The following SMCHD1 variants were observed in gnomAD, a reference collection of about 807,000 sequenced individuals.
SMCHD1 encodes structural maintenance of chromosomes flexible hinge domain-containing protein 1.
A neutral mutation model predicts 254.7 loss-of-function variants in SMCHD1; 78 were observed. The observed-to-expected ratio is 0.31, with a 90% CI of 0.26 to 0.37. The LOEUF (loss-of-function observed/expected upper bound fraction) is 0.37. Among genes scored for constraint, SMCHD1 ranks in the 10% least tolerant of loss-of-function variants. SMCHD1 has a pLI of 1.00. For synonymous variants in SMCHD1, 766 were observed against 794.9 expected, an observed-to-expected ratio of 0.96 and a Z score of 0.61; for missense variants, 1,840 against 2,408.1, an observed-to-expected ratio of 0.76 and a Z score of 4.94.
intron 17 of SMCHD1, among the ~76,000 whole-genome samples, chr18:2,708,871 T>TAG (rs2074585319): frequency 4.4e-5 from 1 of 22,936 alleles, no homozygotes; most frequent in Non-Finnish European, 7.9e-5. Flanking sequence ...TAACTTCATA[T>TAG]ATATATATAT....
Position 2,732,361 on chromosome 18 carries a change from G to T in SMCHD1, c.3145G>T (p.Ala1049Ser). The change falls in exon 25 of 48, where the codon GCA (alanine) becomes TCA (serine). Residue 1049 changes from alanine to serine, a missense_variant. Ala to Ser is a moderately conservative substitution (Grantham distance 99, BLOSUM62 1). Coordinates refer to ENST00000320876, the MANE Select transcript of SMCHD1 (RefSeq NM_015295.3). Reference sequence around the variant, plus strand: ...AATATTCAGTGTAGAAGGACAAAAGGCAATTCAGATCAAACATCAGGATGA... The same window carrying T: ...AATATTCAGTGTAGAAGGACAAAAGTCAATTCAGATCAAACATCAGGATGA... The part of the protein sequence containing the change: ...LQIFSVEGQK[A>S]IQIKHQDEVN... 1 of 1,613,784 alleles carries T rather than the reference G, an allele frequency of 6.2e-7. No individual in the cohort carries two copies. Among genetic ancestry groups the T allele is most frequent in the Non-Finnish European group, 8.5e-7 (1 of 1,179,798 alleles).
At chr18:2,668,434 T>G (rs1216684500) in intron 3 of SMCHD1, among the ~76,000 whole-genome samples, 1 of 152,200 alleles carries the variant, frequency 6.6e-6, no homozygotes, top group Non-Finnish European at 1.5e-5. Context: ...CAGAATTAAC[T>G]GGGGCTAAGA....
Position 2,796,681 on chromosome 18 carries a change from C to T in SMCHD1, c.5993+160C>T, listed in dbSNP as rs62077723. The T allele has an allele frequency of 0.21, 116,952 of 567,272 alleles. 12,976 individuals are homozygous for T. Among genetic ancestry groups the T allele is most frequent in the Admixed American group, 0.27 (7,363 of 27,428 alleles). The allele number at this position is 567,272 out of a possible 1,614,324, so 35.1% of individuals were successfully genotyped here. ...GTGCAACCTCTGCCTTCCAGGCCCA[C>T]GGGATTCTTGTGCCTCAGCCTCCCG... On this transcript the variant is annotated intron_variant, in intron 47 of 47. Transcript: ENST00000320876.
chr18:2,803,414 A>G lies in SMCHD1; in HGVS notation c.*862A>G, dbSNP rs1470295982. 2 of 151,882 alleles carry G rather than the reference A, an allele frequency of 1.3e-5. No homozygotes were observed. Among genetic ancestry groups the G allele is most frequent in the Admixed American group, 6.6e-5 (1 of 15,244 alleles). The allele number at this position is 151,882 out of a possible 1,614,324, so 9.4% of individuals were successfully genotyped here. A position where few individuals can be genotyped will look rare whatever the true frequency, so the allele number is the denominator to read the frequency against. On this transcript the variant is annotated 3_prime_UTR_variant, in exon 48 of 48. Coordinates refer to ENST00000320876, the MANE Select transcript of SMCHD1 (RefSeq NM_015295.3). Reference sequence around the variant, plus strand: ...GTACTTTCTGGTAGAAAGTTGCTGCAAAAACATTTGAAATGTATATTAACC... The same window carrying G: ...GTACTTTCTGGTAGAAAGTTGCTGCGAAAACATTTGAAATGTATATTAACC...
chr18:2,655,910 G>C lies in SMCHD1; in HGVS notation c.-166G>C. ...TTGAATCGGTTCCCGGGTGATCCTC[G>C]CGCCTGCCGCTGCTCGGCCGCCGCC... On this transcript the variant is annotated 5_prime_UTR_variant, in exon 1 of 48. Transcript: ENST00000320876. 1 of 423,540 alleles carries C rather than the reference G, an allele frequency of 2.4e-6. No homozygotes were observed. Among genetic ancestry groups the C allele is most frequent in the Non-Finnish European group, 3.9e-6 (1 of 255,630 alleles). The allele number at this position is 423,540 out of a possible 1,614,324, so 26.2% of individuals were successfully genotyped here.
At chr18:2,771,733 G>A (rs1208898113) in intron 40 of SMCHD1, 115 bp downstream of exon 40, 12 of 732,978 alleles carry the variant, frequency 1.6e-5, no homozygotes, top group South Asian at 8.6e-5. Flanking sequence ...GTACAAAGAC[G>A]TGCATTATCG....
At chr18:2,668,036 C>T (rs528563137) in intron 3 of SMCHD1, among the ~76,000 whole-genome samples, 1 of 151,998 alleles carries the variant, frequency 6.6e-6, no homozygotes, top group Non-Finnish European at 1.5e-5. Flanking sequence ...GGCACCACCA[C>T]GCCTGGCTAA....
At chr18:2,706,299 T>A in intron 14 of SMCHD1, 65 bp from the exon 15 acceptor site, 1 of 1,145,900 alleles carries the variant, frequency 8.7e-7, no homozygotes, top group Non-Finnish European at 1.2e-6. Context: ...CAAATGGGTG[T>A]TTGTTTTTAT....
intron 45 of SMCHD1, among the ~76,000 whole-genome samples, chr18:2,789,941 T>G (rs1374153779): frequency 3.3e-5 from 5 of 152,184 alleles, no homozygotes; most frequent in Non-Finnish European, 7.3e-5. Flanking sequence ...CCCAACACTT[T>G]GGGAGGCCGA....
intron 7 of SMCHD1, among the ~76,000 whole-genome samples, chr18:2,689,376 C>T (rs183793163): frequency 2.6e-4 from 39 of 151,776 alleles, no homozygotes; most frequent in African/African-American, 8.9e-4. Flanking sequence ...TGCCACCATG[C>T]CCTGCTAATT....
intron 5 of SMCHD1, among the ~76,000 whole-genome samples, chr18:2,678,270 T>C (rs71358790): frequency 0.51 from 51,475 of 100,664 alleles, 14,491 homozygotes; most frequent in East Asian, 0.68. Context: ...TCTCTCTCTC[T>C]CTCCCTCTCT....
intron 19 of SMCHD1, among the ~76,000 whole-genome samples, chr18:2,722,136 G>A (rs1143800): frequency 0.32 from 48,630 of 152,034 alleles, 9,797 homozygotes; most frequent in Non-Finnish European, 0.45. Context: ...ATTGAATATC[G>A]TGTTTTGCCT....
intron 47 of SMCHD1, among the ~76,000 whole-genome samples, chr18:2,799,708 T>C (rs753690453): frequency 5.9e-5 from 9 of 152,200 alleles, no homozygotes; most frequent in Non-Finnish European, 1.0e-4. Flanking sequence ...TGAAGTGTTA[T>C]TCCAATTGTT....
rs558839740 is a variant in SMCHD1, at chr18:2,705,943, G to A, written c.1956+136G>A. 181 of 530,396 alleles carry A rather than the reference G, an allele frequency of 3.4e-4. 1 individual carries two copies. The South Asian group carries it at 5.5e-3, about 16-fold the overall frequency. 32.9% of individuals were successfully genotyped at this position (530,396 alleles called of 1,614,324 possible). On this transcript the variant is annotated intron_variant, in intron 14 of 47. Transcript: ENST00000320876. Reference sequence around the variant, plus strand: ...TTGTAGTTTTTGTGTGGATTTTTATGTGTCATAAGTTGATGTTTTTAATAA... The same window carrying A: ...TTGTAGTTTTTGTGTGGATTTTTATATGTCATAAGTTGATGTTTTTAATAA...
At chr18:2,756,776 CTAAATAAATAGATAATT>C (rs2075688856) in intron 34 of SMCHD1, among the ~76,000 whole-genome samples, 1 of 151,994 alleles carries the variant, frequency 6.6e-6, no homozygotes, top group African/African-American at 2.4e-5. Flanking sequence ...TCAATTTTAT[CTAAATAAATAGATAATT>C]TAAATAAATA....
At chr18:2,802,359 G>A (rs1361419257) in intron 47 of SMCHD1, among the ~76,000 whole-genome samples, 169 bp from the exon 48 acceptor site, 1 of 152,084 alleles carries the variant, frequency 6.6e-6, no homozygotes, top group East Asian at 1.9e-4. Flanking sequence ...TTGCATACAT[G>A]TGAAGGAAAT....
intron 34 of SMCHD1, among the ~76,000 whole-genome samples, chr18:2,756,232 T>C (rs2075675710): frequency 6.6e-6 from 1 of 152,214 alleles, no homozygotes; most frequent in African/African-American, 2.4e-5. Flanking sequence ...TTTTATCATG[T>C]TGTATTATTT....
chr18:2,720,618 C>T (rs1467411290), intron 19 of SMCHD1, among the ~76,000 whole-genome samples: 1 of 152,156 alleles, frequency 6.6e-6, no homozygotes, highest in Non-Finnish European at 1.5e-5. Context: ...CAGTCACCTG[C>T]TAAAAGGGTA....
intron 45 of SMCHD1, among the ~76,000 whole-genome samples, chr18:2,793,774 T>C (rs1267265093): frequency 2.6e-5 from 4 of 151,964 alleles, no homozygotes; most frequent in African/African-American, 9.7e-5. Flanking sequence ...CAGTTTCACA[T>C]ATAGAATTTG....
Sources: gnomAD v4.1 joint callset for allele counts (sites outside exome capture counted in the v4.1 genomes callset) on GRCh38, gnomAD v4.1.1 for gene constraint, MANE v1.5 for transcripts, NCBI Gene and HGNC (gene_info 2026-07-23, HGNC 2026-07-21) for gene names.